Variants in FARP2 observed in about 807,000 individuals in gnomAD.
FARP2 encodes FERM, ARH/RhoGEF and pleckstrin domain protein 2, also known as FERM, ARHGEF and pleckstrin domain-containing protein 2.
Under a neutral mutation model 130.5 loss-of-function variants are expected in FARP2, and 111 were observed. The observed-to-expected ratio is 0.85, with a 90% CI of 0.73 to 1.00. FARP2 has a LOEUF of 1.00. FARP2 is among the 50% of genes least tolerant of loss of function. The pLI, the probability that FARP2 is intolerant of heterozygous loss-of-function variation, is 0.00. For missense variants in FARP2, 1,385 were observed against 1,346.3 expected (o/e 1.03, Z -0.45); for synonymous variants, 504 against 516.9 (o/e 0.98, Z 0.34).
At chr2:241,467,982 G>T (rs551494028) in intron 17 of FARP2, among the ~76,000 whole-genome samples, 158 bp from the exon 18 acceptor site, 23 of 152,190 alleles carry the variant, frequency 1.5e-4, no homozygotes, top group Non-Finnish European at 2.4e-4. Flanking sequence ...GATGCATTCC[G>T]TGGAGGCTAG....
At chr2:241,431,105 C>G (rs1433770929) in intron 8 of FARP2, among the ~76,000 whole-genome samples, 1 of 152,076 alleles carries the variant, frequency 6.6e-6, no homozygotes, top group African/African-American at 2.4e-5. Flanking sequence ...GTGTATCTTC[C>G]TGGTGAATTG....
intron 2 of FARP2, among the ~76,000 whole-genome samples, chr2:241,380,536 A>G (rs2061637247): frequency 6.6e-6 from 1 of 152,058 alleles, no homozygotes; most frequent in Non-Finnish European, 1.5e-5. Flanking sequence ...CAGATTTTGG[A>G]ATATTTGCAT....
intron 2 of FARP2, among the ~76,000 whole-genome samples, chr2:241,380,740 A>G (rs922104197): frequency 1.5e-4 from 23 of 152,050 alleles, no homozygotes; most frequent in Admixed American, 3.9e-4. Flanking sequence ...AACCCATACT[A>G]TATTTTACTT....
At chr2:241,438,212 T>C (rs2063292955) in intron 12 of FARP2, among the ~76,000 whole-genome samples, 1 of 152,200 alleles carries the variant, frequency 6.6e-6, no homozygotes, top group African/African-American at 2.4e-5. Context: ...TGGTTTGTCA[T>C]TTATACTGTC....
chr2:241,402,876 A>ATT (rs1559735163), intron 2 of FARP2, among the ~76,000 whole-genome samples: 1 of 10,456 alleles, frequency 9.6e-5, no homozygotes, highest in Non-Finnish European at 1.7e-4. Flanking sequence ...ATATATATAT[A>ATT]TATATTTTTT....
intron 13 of FARP2, among the ~76,000 whole-genome samples, chr2:241,447,677 G>C (rs2063543102): frequency 6.6e-6 from 1 of 152,176 alleles, no homozygotes; most frequent in Non-Finnish European, 1.5e-5. Flanking sequence ...TGCAGGTTCT[G>C]GGCAAGGCTT....
intron 19 of FARP2, among the ~76,000 whole-genome samples, chr2:241,477,357 T>G (rs1265102076): frequency 6.6e-6 from 1 of 152,090 alleles, no homozygotes; most frequent in Non-Finnish European, 1.5e-5. Flanking sequence ...CTCAAGCTCT[T>G]GACCTTGTGA....
chr2:241,483,293 G>C (rs761497806), intron 19 of FARP2, among the ~76,000 whole-genome samples, 172 bp from the exon 20 acceptor site: 1 of 152,238 alleles, frequency 6.6e-6, no homozygotes, highest in Non-Finnish European at 1.5e-5. Context: ...GGTGACCAAG[G>C]GCACTGCTGA....
intron 12 of FARP2, among the ~76,000 whole-genome samples, chr2:241,437,627 C>T (rs1374851061): frequency 2.7e-5 from 4 of 149,770 alleles, no homozygotes; most frequent in Non-Finnish European, 5.9e-5. Context: ...CATCATGCCT[C>T]GCTGACATAT....
At chr2:241,405,077 C>T (rs1049898747) in intron 4 of FARP2, among the ~76,000 whole-genome samples, 2 of 152,130 alleles carry the variant, frequency 1.3e-5, no homozygotes, top group African/African-American at 4.8e-5. Context: ...TGTTTGATAT[C>T]GTCTTAATTT....
intron 2 of FARP2, among the ~76,000 whole-genome samples, chr2:241,384,535 A>G (rs1404198385): frequency 2.0e-5 from 3 of 152,214 alleles, no homozygotes; most frequent in Non-Finnish European, 4.4e-5. Flanking sequence ...AATCTAAAAT[A>G]TATTTCTTTG....
At chr2:241,407,465 A>G in intron 4 of FARP2, 72 bp from the exon 5 acceptor site, 1 of 1,091,640 alleles carries the variant, frequency 9.2e-7, no homozygotes, top group Non-Finnish European at 1.4e-6. Flanking sequence ...CCTCAGTTAT[A>G]CAGTAATATA....
At position 241,459,720 on chromosome 2, in the gene FARP2, G is replaced by A. The variant is rs2063961566; in HGVS notation, c.1587+2798G>A. 6.6e-6 allele frequency among the ~76,000 whole-genome samples: 1 copy of A among 151,992 alleles called. No individual in the cohort carries two copies. The highest frequency in any genetic ancestry group is 1.5e-5 in the Non-Finnish European group (1 of 67,980). On this transcript the variant is annotated intron_variant, in intron 14 of 26. Coordinates refer to ENST00000264042, the MANE Select transcript of FARP2 (RefSeq NM_014808.4). This position sits in a 1 kb window ranked among gnomAD's most constrained non-coding sequence, Gnocchi z 5.3. ...CTGGCCTGCAGCCCAGCTTGCTGGG[G>A]GTCAGGTTTGACATTGATCTAGAGG...
intron 24 of FARP2, 91 bp downstream of exon 24, chr2:241,491,770 C>T: frequency 7.6e-7 from 1 of 1,322,258 alleles, no homozygotes; most frequent in Non-Finnish European, 1.0e-6. Flanking sequence ...CAGGAGGGTA[C>T]CAGCAGGCAG....
intron 19 of FARP2, among the ~76,000 whole-genome samples, chr2:241,476,858 A>G (rs779710299): frequency 4.6e-5 from 7 of 152,134 alleles, no homozygotes; most frequent in Non-Finnish European, 8.8e-5. Flanking sequence ...AAACCCCCAC[A>G]GCAATTAACA....
intron 22 of FARP2, 50 bp downstream of exon 22, chr2:241,490,094 G>C: frequency 7.4e-7 from 1 of 1,350,194 alleles, no homozygotes; most frequent in Non-Finnish European, 1.1e-6. Flanking sequence ...TGGAGGGGTG[G>C]GGACTTCCTC....
intron 1 of FARP2, among the ~76,000 whole-genome samples, chr2:241,366,205 A>G (rs1382150424): frequency 6.7e-6 from 1 of 149,222 alleles, no homozygotes; most frequent in Non-Finnish European, 1.5e-5. Flanking sequence ...CTGGTTTTGC[A>G]CCTTTTATTC....
intron 13 of FARP2, among the ~76,000 whole-genome samples, chr2:241,450,167 C>T (rs1438006449): frequency 6.6e-6 from 1 of 152,036 alleles, no homozygotes; most frequent in Admixed American, 6.6e-5. Flanking sequence ...AGTTCAAGAC[C>T]AGCCTGAGCA....
chr2:241,467,118 G>A (rs1388921766), intron 17 of FARP2, among the ~76,000 whole-genome samples: 3 of 152,042 alleles, frequency 2.0e-5, no homozygotes, highest in Admixed American at 6.6e-5. Context: ...AGCTGGGTGT[G>A]GTGGTGTGCG....
Sources: gnomAD v4.1 joint callset for allele counts (sites outside exome capture counted in the v4.1 genomes callset) on GRCh38, gnomAD v4.1.1 for gene constraint, Gnocchi (gnomAD v3.1) non-coding constraint, MANE v1.5 for transcripts, NCBI Gene and HGNC (gene_info 2026-07-23, HGNC 2026-07-21) for gene names.